Variants in VPS13B observed in about 807,000 individuals in gnomAD.
The protein encoded by VPS13B is vacuolar protein sorting 13 homolog B, also known as intermembrane lipid transfer protein VPS13B.
VPS13B carries 285 observed loss-of-function variants against 426.4 expected under a neutral mutation model. The observed-to-expected ratio is 0.67, with a 90% CI of 0.61 to 0.74. VPS13B has a LOEUF of 0.74. Ranked by LOEUF, VPS13B falls within the 30% of genes least tolerant of loss-of-function variation. VPS13B has a pLI of 0.00. For missense variants in VPS13B, 4,537 were observed against 4,782.6 expected (o/e 0.95, Z 1.51); for synonymous variants, 1,676 against 1,676.4 (o/e 1.00, Z 0.01).
intron 19 of VPS13B, among the ~76,000 whole-genome samples, chr8:99,300,091 A>T (rs1820278352): frequency 1.3e-5 from 2 of 152,144 alleles, no homozygotes; most frequent in African/African-American, 4.8e-5. Context: ...CCTCTCTCTA[A>T]TCCTTTCCTT....
intron 17 of VPS13B, among the ~76,000 whole-genome samples, chr8:99,246,409 T>C (rs1434281879): frequency 2.0e-5 from 3 of 152,218 alleles, no homozygotes; most frequent in Non-Finnish European, 4.4e-5. Context: ...GCCCATCAGC[T>C]GTTTTTGATT....
chr8:99,032,326 G>A (rs1423008819), intron 2 of VPS13B, among the ~76,000 whole-genome samples: 1 of 152,086 alleles, frequency 6.6e-6, no homozygotes, highest in Non-Finnish European at 1.5e-5. Context: ...TTTGATTGAA[G>A]TTTTTAATCT....
chr8:99,439,903 A>G (rs1431526279), intron 22 of VPS13B, among the ~76,000 whole-genome samples: 1 of 152,154 alleles, frequency 6.6e-6, no homozygotes, highest in Non-Finnish European at 1.5e-5. Flanking sequence ...AGAGGCATAT[A>G]TCTTTCAAAT....
intron 17 of VPS13B, among the ~76,000 whole-genome samples, chr8:99,214,322 T>C (rs1239907482): frequency 6.6e-6 from 1 of 152,206 alleles, no homozygotes; most frequent in Non-Finnish European, 1.5e-5. Context: ...TATCTTGCCC[T>C]TTACCAGAAA....
intron 19 of VPS13B, among the ~76,000 whole-genome samples, chr8:99,281,938 A>G (rs1819195447): frequency 6.7e-6 from 1 of 150,268 alleles, no homozygotes; most frequent in Non-Finnish European, 1.5e-5. Flanking sequence ...CTTTCTGTCC[A>G]TTTTTTTTTC....
chr8:99,556,779 G>C, intron 31 of VPS13B, 126 bp downstream of exon 31: 1 of 1,046,568 alleles, frequency 9.6e-7, no homozygotes. Flanking sequence ...TTCATTATAA[G>C]CATAAAAAAT....
intron 17 of VPS13B, among the ~76,000 whole-genome samples, chr8:99,202,949 G>T (rs1814435083): frequency 6.6e-6 from 1 of 151,936 alleles, no homozygotes; most frequent in Non-Finnish European, 1.5e-5. Flanking sequence ...CAGGAGAATG[G>T]CGCGAACCCA....
At chr8:99,102,065 A>G (rs1846783471) in intron 4 of VPS13B, among the ~76,000 whole-genome samples, 1 of 152,106 alleles carries the variant, frequency 6.6e-6, no homozygotes, top group Non-Finnish European at 1.5e-5. Flanking sequence ...TAATGTATCC[A>G]TGTACACACT....
At chr8:99,325,119 CTTCTT>C (rs1810172531) in intron 19 of VPS13B, among the ~76,000 whole-genome samples, 1 of 152,012 alleles carries the variant, frequency 6.6e-6, no homozygotes, top group Admixed American at 6.6e-5. Flanking sequence ...TTGAGATTCT[CTTCTT>C]TAAGAAAAAA....
chr8:99,587,858 G>A (rs761588933), intron 33 of VPS13B, among the ~76,000 whole-genome samples: 2 of 151,772 alleles, frequency 1.3e-5, no homozygotes, highest in Non-Finnish European at 2.9e-5. Flanking sequence ...GGCTTTTGTT[G>A]TCATTGCTTT....
At chr8:99,832,957 T>G (rs921378544) in intron 52 of VPS13B, among the ~76,000 whole-genome samples, 8 of 152,202 alleles carry the variant, frequency 5.3e-5, no homozygotes, top group African/African-American at 1.9e-4. Flanking sequence ...TAGCATCGTA[T>G]GAAAAGATCA....
chr8:99,804,496 C>T (rs765852036), intron 43 of VPS13B, among the ~76,000 whole-genome samples: 6 of 152,108 alleles, frequency 3.9e-5, no homozygotes, highest in South Asian at 2.1e-4. Context: ...GAATTGGGGA[C>T]GGAGTGACTG....
intron 17 of VPS13B, 146 bp from the exon 18 acceptor site, chr8:99,274,052 T>A: frequency 8.9e-7 from 1 of 1,126,540 alleles, no homozygotes; most frequent in Non-Finnish European, 1.3e-6. Context: ...ACCTCTGAAA[T>A]ACTAAACTAT....
chr8:99,373,024 T>A (rs1405315948), intron 19 of VPS13B, among the ~76,000 whole-genome samples: 2 of 152,162 alleles, frequency 1.3e-5, no homozygotes, highest in Non-Finnish European at 2.9e-5. Flanking sequence ...GGGATATGAA[T>A]GAAGCTGGAA....
chr8:99,580,713 G>A (rs1826009544), intron 33 of VPS13B, among the ~76,000 whole-genome samples: 1 of 151,650 alleles, frequency 6.6e-6, no homozygotes, highest in Admixed American at 6.6e-5. Context: ...TTAGTTGCAT[G>A]TGGTGGTGTG....
At chr8:99,321,764 A>C (rs1334854818) in intron 19 of VPS13B, among the ~76,000 whole-genome samples, 1 of 152,212 alleles carries the variant, frequency 6.6e-6, no homozygotes, top group Non-Finnish European at 1.5e-5. Flanking sequence ...TAGTAAGCTT[A>C]TGAATCATTT....
At chr8:99,029,432 G>T (rs1175012666) in intron 2 of VPS13B, among the ~76,000 whole-genome samples, 1 of 151,946 alleles carries the variant, frequency 6.6e-6, no homozygotes, top group Non-Finnish European at 1.5e-5. Context: ...AGGCGGCTGG[G>T]AGGTGGTTGT....
At chr8:99,241,930 G>T (rs1158179201) in intron 17 of VPS13B, among the ~76,000 whole-genome samples, 1 of 152,092 alleles carries the variant, frequency 6.6e-6, no homozygotes, top group Non-Finnish European at 1.5e-5. Flanking sequence ...TTTTCTCTAA[G>T]AACCATCATT....
At chr8:99,545,985 A>G (rs554383717) in intron 30 of VPS13B, among the ~76,000 whole-genome samples, 2 of 152,234 alleles carry the variant, frequency 1.3e-5, no homozygotes, top group East Asian at 3.9e-4. Context: ...ATTAATTTGC[A>G]AATTAAGTTA....
Sources: gnomAD v4.1 joint callset for allele counts (sites outside exome capture counted in the v4.1 genomes callset) on GRCh38, gnomAD v4.1.1 for gene constraint, MANE v1.5 for transcripts, NCBI Gene and HGNC (gene_info 2026-07-23, HGNC 2026-07-21) for gene names.